SLIT2: variants seen among roughly 807,000 people sequenced by gnomAD.
The protein encoded by SLIT2 is slit guidance ligand 2.
In SLIT2, 41 loss-of-function variants were observed where a neutral mutation model predicts 185.7. The observed-to-expected ratio is 0.22, with a 90% CI of 0.17 to 0.29. SLIT2 has a LOEUF of 0.29. Among genes scored for constraint, SLIT2 ranks in the 10% least tolerant of loss-of-function variants. The pLI is 1.00. For missense variants in SLIT2, 1,571 were observed against 1,909.0 expected, an observed-to-expected ratio of 0.82 and a Z score of 3.30; for synonymous variants, 693 against 680.2, an observed-to-expected ratio of 1.02 and a Z score of -0.29.
intron 4 of SLIT2, among the ~76,000 whole-genome samples, chr4:20,322,650 A>G (rs187917596): frequency 2.6e-5 from 4 of 152,228 alleles, no homozygotes; most frequent in Admixed American, 2.0e-4. Context: ...TACAATAGCA[A>G]TACTATTTAA....
chr4:20,256,848 A>C (rs1015854381), intron 2 of SLIT2, 105 bp downstream of exon 2: 1 of 556,070 alleles, frequency 1.8e-6, no homozygotes, highest in African/African-American at 2.0e-5. Context: ...AACATAAAAC[A>C]TTTAAAAGGT....
chr4:20,531,758 T>TG (rs201375354), intron 16 of SLIT2, among the ~76,000 whole-genome samples: 5 of 106,404 alleles, frequency 4.7e-5, no homozygotes, highest in East Asian at 4.9e-4. Context: ...GATCTTTGTG[T>TG]TTTTTTTTTT....
intron 4 of SLIT2, among the ~76,000 whole-genome samples, chr4:20,359,930 A>G (rs1361759305): frequency 6.6e-6 from 1 of 152,100 alleles, no homozygotes; most frequent in Admixed American, 6.6e-5. Context: ...CAAGAGTGAC[A>G]ATGCATTTTA....
intron 9 of SLIT2, among the ~76,000 whole-genome samples, chr4:20,506,336 T>TG (rs1312658796): frequency 1.3e-5 from 2 of 152,132 alleles, no homozygotes; most frequent in Non-Finnish European, 2.9e-5. Flanking sequence ...ATCCATGGCA[T>TG]GCAAATATAT....
intron 29 of SLIT2, among the ~76,000 whole-genome samples, chr4:20,580,333 C>T (rs775400728): frequency 8.0e-5 from 12 of 150,742 alleles, no homozygotes; most frequent in Non-Finnish European, 1.6e-4. Context: ...CCACTGTGCC[C>T]GGTTGATATA....
chr4:20,314,329 C>T (rs1362844177), intron 4 of SLIT2, among the ~76,000 whole-genome samples: 2 of 152,116 alleles, frequency 1.3e-5, no homozygotes, highest in East Asian at 3.9e-4. Context: ...CCTTCTTTCC[C>T]GCTTGGGAAA....
At chr4:20,273,234 G>A (rs776502574) in intron 4 of SLIT2, among the ~76,000 whole-genome samples, 16 of 151,114 alleles carry the variant, frequency 1.1e-4, no homozygotes, top group Non-Finnish European at 2.4e-4. Context: ...CATGCTCATT[G>A]TAAAAAAGAT....
chr4:20,419,667 C>CTGTGTGTGTGTG (rs55679047), intron 4 of SLIT2, among the ~76,000 whole-genome samples: 2,682 of 138,008 alleles, frequency 0.019, 56 homozygotes, highest in African/African-American at 0.047. Flanking sequence ...AAGTTTTAAG[C>CTGTGTGTGTGTG]TGTGTGTGTG....
intron 36 of SLIT2, among the ~76,000 whole-genome samples, chr4:20,618,114 T>C (rs1729823848): frequency 6.6e-6 from 1 of 152,232 alleles, no homozygotes; most frequent in Admixed American, 6.5e-5. Context: ...TCGACTGATT[T>C]ATCACAGCAA....
chr4:20,342,238 C>A (rs1239970341), intron 4 of SLIT2, among the ~76,000 whole-genome samples: 1 of 151,804 alleles, frequency 6.6e-6, no homozygotes, highest in Non-Finnish European at 1.5e-5. Flanking sequence ...GCATTGTATG[C>A]CAAGTATGGT....
intron 5 of SLIT2, 78 bp downstream of exon 5, chr4:20,467,901 T>G (rs1207007188): frequency 1.4e-6 from 1 of 712,716 alleles, no homozygotes; most frequent in Non-Finnish European, 2.3e-6. Flanking sequence ...AAATAAAGTG[T>G]CAGAAAGAAA....
intron 18 of SLIT2, among the ~76,000 whole-genome samples, chr4:20,536,112 G>A (rs781380793): frequency 9.9e-5 from 15 of 152,276 alleles, no homozygotes; most frequent in Non-Finnish European, 1.8e-4. Context: ...AAAAAAGATG[G>A]TACAAAATAT....
chr4:20,584,339 C>G (rs1296208585), intron 29 of SLIT2, among the ~76,000 whole-genome samples: 2 of 152,196 alleles, frequency 1.3e-5, no homozygotes, highest in African/African-American at 4.8e-5. Context: ...CCTGAGGTCT[C>G]TTTATGCTGA....
At chr4:20,435,527 G>T (rs1051620558) in intron 4 of SLIT2, among the ~76,000 whole-genome samples, 3 of 152,142 alleles carry the variant, frequency 2.0e-5, no homozygotes, top group Admixed American at 2.0e-4. Flanking sequence ...TTAGAGAAGG[G>T]ACTAAACATC....
At chr4:20,269,183 GA>G (rs1271727200) in intron 4 of SLIT2, among the ~76,000 whole-genome samples, 3 of 151,850 alleles carry the variant, frequency 2.0e-5, no homozygotes, top group Non-Finnish European at 4.4e-5. Context: ...ATTAAGTTCT[GA>G]AGGGAGAAAA....
rs749682023 is a variant in SLIT2 at position 20,280,679 on chromosome 4, AT to A, written c.395+11800del. ...GGAACTCTACACAGGCCCTGGAATA[AT>A]TACAGTGGTGGAGTTATTCATGGTA... On this transcript the variant is annotated intron_variant, in intron 4 of 36. Coordinates refer to ENST00000504154, the MANE Select transcript of SLIT2 (RefSeq NM_004787.4). Among the ~76,000 whole-genome samples the A allele has an allele frequency of 3.3e-4, 50 of 152,306 alleles. 1 individual carries two copies. In the Middle Eastern group the frequency reaches 0.01, roughly 31 times the overall value.
At chr4:20,549,948 C>A (rs17542424) in intron 24 of SLIT2, among the ~76,000 whole-genome samples, 3,566 of 151,960 alleles carry the variant, frequency 0.023, 60 homozygotes, top group South Asian at 0.1. Flanking sequence ...CCTCTTGGTG[C>A]AAATGTGCTG....
intron 4 of SLIT2, among the ~76,000 whole-genome samples, chr4:20,389,253 A>G (rs1725219875): frequency 6.6e-6 from 1 of 151,894 alleles, no homozygotes; most frequent in Non-Finnish European, 1.5e-5. Context: ...TCAATATATT[A>G]TTGTAATTAT....
chr4:20,542,812 C>CTG (rs753747459), intron 21 of SLIT2, among the ~76,000 whole-genome samples, 186 bp downstream of exon 21: 7,694 of 110,848 alleles, frequency 0.069, 328 homozygotes, highest in Non-Finnish European at 0.088. Context: ...TTGGGAATTG[C>CTG]TGTGTGTGTG....
Sources: allele counts gnomAD v4.1 joint callset (sites outside exome capture counted in the v4.1 genomes callset), GRCh38; gene constraint gnomAD v4.1.1; transcripts MANE v1.5; gene names NCBI Gene and HGNC (gene_info 2026-07-23, HGNC 2026-07-21).